Variants in HSPA12A observed in about 807,000 individuals in gnomAD.
The protein encoded by HSPA12A is heat shock protein family A (Hsp70) member 12A.
In HSPA12A, 28 loss-of-function variants were observed where a neutral mutation model predicts 69.2. The observed-to-expected ratio is 0.40, with a 90% confidence interval of 0.30 to 0.55. The LOEUF is 0.55. Among genes scored for constraint, HSPA12A ranks in the 20% least tolerant of loss-of-function variants. HSPA12A has a pLI of 0.38. For missense variants in HSPA12A, 686 were observed against 900.7 expected (o/e 0.76, Z 3.05); for synonymous variants, 345 against 370.5 (o/e 0.93, Z 0.79).
At position 116,683,840 on chromosome 10, in the gene HSPA12A, G is replaced by A. The variant is rs782810578; in HGVS notation, c.786C>T (p.Ala262=). The A allele has an allele frequency of 4.4e-6, 7 of 1,594,732 alleles. No individual in the cohort carries two copies. The Admixed American group carries it at 6.7e-5, about 15-fold the overall frequency. ...HQMIELSSKA[A]VNGYSGSDTV... is the part of the protein sequence containing the mutation. Reference sequence around the variant, plus strand: ...TGTCACTGCCGCTGTACCCATTGACGGCTGCCTTGCTGCTCAGCTCAATCA... The same window carrying A: ...TGTCACTGCCGCTGTACCCATTGACAGCTGCCTTGCTGCTCAGCTCAATCA... Residue 262 remains alanine (A), a synonymous_variant, in exon 7 of 12, where the codon GCC becomes GCT. Transcript: ENST00000369209.
chr10:116,764,854 T>C (rs1344423842), intron 2 of HSPA12A, among the ~76,000 whole-genome samples: 4 of 152,224 alleles, frequency 2.6e-5, no homozygotes, highest in African/African-American at 9.6e-5. Context: ...CAAGTAATTT[T>C]GGATGTAGTA....
At chr10:116,738,325 TGACA>T (rs1851376526) in intron 1 of HSPA12A, among the ~76,000 whole-genome samples, 1 of 152,174 alleles carries the variant, frequency 6.6e-6, no homozygotes, top group African/African-American at 2.4e-5. Flanking sequence ...TCTTGCTGAC[TGACA>T]CTCAACAAAA....
At chr10:116,831,920 C>T (rs1845623102) in intron 2 of HSPA12A, 1 of 152,190 alleles carries the variant, frequency 6.6e-6, no homozygotes, top group South Asian at 2.1e-4. Flanking sequence ...AGTGTGCAAA[C>T]CGCAATCGCA....
chr10:116,820,128 ATG>A (rs1845384225), intron 2 of HSPA12A, among the ~76,000 whole-genome samples: 1 of 152,170 alleles, frequency 6.6e-6, no homozygotes, highest in Non-Finnish European at 1.5e-5. Context: ...CAGCCAATTT[ATG>A]TGTTTTTAGT....
chr10:116,842,489 G>A (rs1245110397), intron 1 of HSPA12A, among the ~76,000 whole-genome samples: 2 of 152,006 alleles, frequency 1.3e-5, no homozygotes, highest in African/African-American at 4.8e-5. Flanking sequence ...GTATTTTATA[G>A]GTATCCTTTT....
In HSPA12A at chr10:116,696,171, C is replaced by T. The variant is rs116723520; in HGVS notation, c.546+2464G>A. On this transcript the variant is annotated intron_variant, in intron 5 of 11. Coordinates refer to ENST00000369209, the MANE Select transcript of HSPA12A (RefSeq NM_025015.3). ...AGCACATTGATCTTGGACTTCCCAG[C>T]CTCCAGACTATGAGAAATAAATTTC... Among the ~76,000 whole-genome samples the T allele has an allele frequency of 6.6e-3, 1,002 of 152,190 alleles. 10 individuals are homozygous for T. The highest frequency in any genetic ancestry group is 0.023 in the African/African-American group (952 of 41,514).
intron 4 of HSPA12A, among the ~76,000 whole-genome samples, chr10:116,699,128 C>T (rs1467294817): frequency 1.4e-5 from 2 of 142,070 alleles, no homozygotes; most frequent in Non-Finnish European, 3.1e-5. Context: ...CGCTCAGGAT[C>T]CCCCCTGATG....
chr10:116,743,202 A>G (rs1026487364), upstream of HSPA12A, among the ~76,000 whole-genome samples: 3 of 152,202 alleles, frequency 2.0e-5, no homozygotes, highest in African/African-American at 4.8e-5. Context: ...CGCGCCTTCC[A>G]TATATGGGAT....
intron 2 of HSPA12A, among the ~76,000 whole-genome samples, chr10:116,820,724 G>A (rs918033621): frequency 9.9e-5 from 15 of 151,792 alleles, no homozygotes; most frequent in African/African-American, 3.6e-4. Context: ...CCGCTTTCTT[G>A]GTGTTCAGTA....
intron 1 of HSPA12A, chr10:116,708,314 G>A (rs1179065418): frequency 2.0e-5 from 3 of 152,118 alleles, no homozygotes; most frequent in East Asian, 1.9e-4. Context: ...TAGTACATAC[G>A]TACTGAAACC....
chr10:116,774,170 C>T (rs974740794), intron 2 of HSPA12A, among the ~76,000 whole-genome samples: 9 of 152,124 alleles, frequency 5.9e-5, no homozygotes, highest in African/African-American at 9.6e-5. Context: ...CCACTACGCC[C>T]GGCTAATTTT....
At chr10:116,741,086 T>C (rs934017329) in intron 1 of HSPA12A, among the ~76,000 whole-genome samples, 8 of 150,016 alleles carry the variant, frequency 5.3e-5, no homozygotes, top group African/African-American at 1.7e-4. Context: ...GGACTGGGTG[T>C]GTGTTTGGGG....
intron 2 of HSPA12A, among the ~76,000 whole-genome samples, chr10:116,825,898 G>A (rs181331520): frequency 5.6e-4 from 86 of 152,272 alleles, no homozygotes; most frequent in African/African-American, 1.6e-3. Flanking sequence ...AGAAGGATAC[G>A]AACAAACTGG....
chr10:116,733,073 T>C (rs894603164), intron 1 of HSPA12A, among the ~76,000 whole-genome samples: 3 of 152,176 alleles, frequency 2.0e-5, no homozygotes, highest in Non-Finnish European at 2.9e-5. Flanking sequence ...CCACCCAAAC[T>C]GATAACCATC....
intron 7 of HSPA12A, among the ~76,000 whole-genome samples, chr10:116,683,143 G>GT (rs1284538228): frequency 1.3e-5 from 2 of 151,966 alleles, no homozygotes; most frequent in African/African-American, 4.8e-5. Flanking sequence ...CTGACAGGGC[G>GT]TGTCTGCAAA....
chr10:116,725,169 T>C (rs76295434), intron 1 of HSPA12A, among the ~76,000 whole-genome samples: 178 of 152,296 alleles, frequency 1.2e-3, no homozygotes, highest in African/African-American at 3.7e-3. Context: ...TGCCTCATCC[T>C]GTTAGCCTCC....
intron 2 of HSPA12A, among the ~76,000 whole-genome samples, chr10:116,800,244 A>G (rs1219013374): frequency 6.6e-6 from 1 of 152,140 alleles, no homozygotes; most frequent in African/African-American, 2.4e-5. Context: ...TGAGAAATAA[A>G]AGCCTTCTGT....
At chr10:116,726,769 G>A (rs943701293) in intron 1 of HSPA12A, among the ~76,000 whole-genome samples, 1 of 152,176 alleles carries the variant, frequency 6.6e-6, no homozygotes, top group Non-Finnish European at 1.5e-5. Context: ...TCACTTTCTA[G>A]GTTTCTGTTT....
At chr10:116,747,452 G>A (rs1320038263), upstream of HSPA12A, among the ~76,000 whole-genome samples, 1 of 152,160 alleles carries the variant, frequency 6.6e-6, no homozygotes, top group Non-Finnish European at 1.5e-5. Context: ...TTAATAAGAC[G>A]GGACATCCCG....
Sources: gnomAD v4.1 joint callset for allele counts (sites outside exome capture counted in the v4.1 genomes callset) on GRCh38, gnomAD v4.1.1 for gene constraint, MANE v1.5 for transcripts, NCBI Gene and HGNC (gene_info 2026-07-23, HGNC 2026-07-21) for gene names.